CHST15: variants seen among roughly 807,000 people sequenced by gnomAD.
CHST15 encodes B cell RAG associated protein (GALNAC4S-6ST).
In CHST15, 30 loss-of-function variants were observed where a neutral mutation model predicts 53.6. The observed-to-expected ratio is 0.56, with a 90% CI of 0.42 to 0.76. The LOEUF is 0.76. Ranked by LOEUF, CHST15 falls within the 30% of genes least tolerant of loss-of-function variation. The pLI, the probability that CHST15 is intolerant of heterozygous loss-of-function variation, is 0.00. For synonymous variants in CHST15, 296 were observed against 289.8 expected (o/e 1.02, Z -0.22); for missense variants, 627 against 740.5 (o/e 0.85, Z 1.78).
chr10:124,013,388 T>C (rs1220896045), intron 6 of CHST15, among the ~76,000 whole-genome samples: 1 of 152,196 alleles, frequency 6.6e-6, no homozygotes, highest in East Asian at 1.9e-4. Context: ...CCACGAGGAT[T>C]GCCACATACC....
At chr10:124,087,282 G>A (rs1424047665) in intron 1 of CHST15, among the ~76,000 whole-genome samples, 1 of 152,160 alleles carries the variant, frequency 6.6e-6, no homozygotes, top group Non-Finnish European at 1.5e-5. Flanking sequence ...TAGATCCAGG[G>A]CCACCCTGGG....
At chr10:124,030,168 C>T (rs114794516) in intron 5 of CHST15, among the ~76,000 whole-genome samples, 1,938 of 152,340 alleles carry the variant, frequency 0.013, 38 homozygotes, top group African/African-American at 0.043. Flanking sequence ...GAACAGTCTT[C>T]AGAGAACCCC....
At chr10:124,026,115 C>T (rs2133890503) in intron 5 of CHST15, among the ~76,000 whole-genome samples, 1 of 152,316 alleles carries the variant, frequency 6.6e-6, no homozygotes, top group East Asian at 1.9e-4. Context: ...CACCCTGAGA[C>T]CCTGGAACAG....
rs1946358342 is a variant in CHST15, at chr10:124,009,708, A to AG, written c.*440dup. The AG allele has an allele frequency of 2.0e-6, 2 of 1,023,492 alleles. No homozygotes were observed. The highest frequency in any genetic ancestry group is 7.3e-5 in the South Asian group (2 of 27,450). 63.4% of individuals were successfully genotyped at this position (1,023,492 alleles called of 1,614,324 possible). A position where few individuals can be genotyped will look rare whatever the true frequency, so the allele number is the denominator to read the frequency against. ...TGCAACACGGCGAGACCCCATCTCTAGGGGGAAAAAAAGGGAACGTGAAGT... is the reference window on the plus strand; with the variant it reads ...TGCAACACGGCGAGACCCCATCTCTAGGGGGGAAAAAAAGGGAACGTGAAGT... On this transcript the variant is annotated 3_prime_UTR_variant, in exon 8 of 8. Coordinates refer to ENST00000435907, the MANE Select transcript of CHST15 (RefSeq NM_001270764.2).
At position 124,044,721 on chromosome 10, in the gene CHST15, G is replaced by A; in HGVS notation, c.745C>T (p.Arg249Cys). The A allele has an allele frequency of 6.2e-7, 1 of 1,613,756 alleles. No individual in the cohort carries two copies. The highest frequency in any genetic ancestry group is 8.5e-7 in the Non-Finnish European group (1 of 1,179,888). ...HLAHAHGKHF[R>C]LRCLPHFYII... ...TAGAAGTGCGGCAGGCAGCGCAGGCGGAAGTGCTTCCCGTGCGCGTGCGCC... is the reference window on the plus strand; with the variant it reads ...TAGAAGTGCGGCAGGCAGCGCAGGCAGAAGTGCTTCCCGTGCGCGTGCGCC... Residue 249 changes from arginine (R) to cysteine (C), a missense_variant, in exon 3 of 8, where the codon CGC (arginine) becomes TGC (cysteine). Physicochemically the swap from Arg to Cys is radical, Grantham distance 180. Coordinates refer to ENST00000435907, the MANE Select transcript of CHST15 (RefSeq NM_001270764.2).
chr10:124,060,931 A>G (rs879727490), intron 1 of CHST15, among the ~76,000 whole-genome samples: 3 of 152,182 alleles, frequency 2.0e-5, no homozygotes, highest in Admixed American at 6.5e-5. Flanking sequence ...GAAAGGAACC[A>G]GGATGAGCTG....
chr10:124,009,981 G>A lies in CHST15; in HGVS notation c.*168C>T, dbSNP rs888138172. 17 of 1,458,086 alleles carry A rather than the reference G, an allele frequency of 1.2e-5. No homozygotes were observed. Among genetic ancestry groups the A allele is most frequent in the Admixed American group, 4.9e-5 (2 of 41,082 alleles). 90.3% of individuals were successfully genotyped at this position (1,458,086 alleles called of 1,614,324 possible). A position where few individuals can be genotyped will look rare whatever the true frequency, so the allele number is the denominator to read the frequency against. ...GTGAGGGGTCCATTGCTGAGCTCTCGAACATCACGAAGGAAATTCCAAAAT... is the reference window on the plus strand; with the variant it reads ...GTGAGGGGTCCATTGCTGAGCTCTCAAACATCACGAAGGAAATTCCAAAAT... On this transcript the variant is annotated 3_prime_UTR_variant, in exon 8 of 8. Transcript: ENST00000435907.
intron 2 of CHST15, among the ~76,000 whole-genome samples, chr10:124,045,372 T>C (rs1947956233): frequency 6.6e-6 from 1 of 152,204 alleles, no homozygotes; most frequent in Non-Finnish European, 1.5e-5. Context: ...AACTGTTAAC[T>C]ACCACGACCA....
chr10:124,032,305 T>C (rs968192829), intron 5 of CHST15, among the ~76,000 whole-genome samples: 8 of 152,220 alleles, frequency 5.3e-5, no homozygotes, highest in African/African-American at 1.2e-4. Context: ...AAATGAACCA[T>C]TCCTGTGGTG....
At chr10:124,090,966 T>A (rs905791514) in intron 1 of CHST15, among the ~76,000 whole-genome samples, 19 of 152,252 alleles carry the variant, frequency 1.2e-4, no homozygotes, top group African/African-American at 3.9e-4. Context: ...GCTCCTGAGC[T>A]GGCTCTCCTC....
chr10:124,085,442 C>A (rs1366847872), intron 1 of CHST15, among the ~76,000 whole-genome samples: 1 of 152,208 alleles, frequency 6.6e-6, no homozygotes, highest in Non-Finnish European at 1.5e-5. Context: ...ATTAGACTCT[C>A]GACTCCTTGG....
intron 1 of CHST15, among the ~76,000 whole-genome samples, chr10:124,068,243 T>A (rs1368012557): frequency 6.6e-6 from 1 of 151,968 alleles, no homozygotes; most frequent in East Asian, 1.9e-4. Context: ...AGGACATGGG[T>A]TATCTAGACA....
chr10:124,038,658 G>A lies in CHST15; in HGVS notation c.1047C>T (p.Ala349=), dbSNP rs2133965346. ...MNTIIIGEAS[A]STMWDNNAWT... ...AGGCATTATTATCCCACATCGTGGA[G>A]GCACTGGCCTCCCCTGGAAACAGAA... Residue 349 remains alanine (A), a synonymous_variant, in exon 5 of 8, where the codon GCC becomes GCT. Transcript: ENST00000435907. 3.7e-6 allele frequency: 6 copies of A among 1,614,084 alleles called. No individual in the cohort carries two copies. The highest frequency in any genetic ancestry group is 5.1e-6 in the Non-Finnish European group (6 of 1,179,994).
intron 1 of CHST15, among the ~76,000 whole-genome samples, chr10:124,049,070 T>C (rs1188886596): frequency 6.6e-6 from 1 of 152,220 alleles, no homozygotes; most frequent in African/African-American, 2.4e-5. Flanking sequence ...TGCAAGAGCC[T>C]TAGCAAAACA....
At chr10:124,021,756 CAA>C (rs1426945828) in intron 5 of CHST15, among the ~76,000 whole-genome samples, 1 of 152,198 alleles carries the variant, frequency 6.6e-6, no homozygotes, top group African/African-American at 2.4e-5. Flanking sequence ...GGTACACTAG[CAA>C]AGAGAAGCCA....
At chr10:124,061,232 T>C (rs1163599895) in intron 1 of CHST15, among the ~76,000 whole-genome samples, 2 of 152,130 alleles carry the variant, frequency 1.3e-5, no homozygotes, top group Non-Finnish European at 2.9e-5. Flanking sequence ...TCAACTTGAA[T>C]TGTAGCTCCC....
chr10:124,070,727 C>G (rs1346828547), intron 1 of CHST15, among the ~76,000 whole-genome samples: 4 of 152,162 alleles, frequency 2.6e-5, no homozygotes, highest in African/African-American at 9.7e-5. Context: ...GTGTAGAGCC[C>G]TGGGATGCAG....
Position 124,046,275 on chromosome 10 carries a change from G to C in CHST15, c.-63C>G. 1.4e-6 allele frequency: 2 copies of C among 1,475,326 alleles called. No homozygotes were observed. Among genetic ancestry groups the C allele is most frequent in the Non-Finnish European group, 1.8e-6 (2 of 1,098,036 alleles). 91.4% of individuals were successfully genotyped at this position (1,475,326 alleles called of 1,614,324 possible). A position where few individuals can be genotyped will look rare whatever the true frequency, so the allele number is the denominator to read the frequency against. Reference sequence around the variant, plus strand: ...CATGGGTGGGCCCCCCACGAGTCTGGATGTCCGCAAGTCGTGCTAGAAAAC... The same window carrying C: ...CATGGGTGGGCCCCCCACGAGTCTGCATGTCCGCAAGTCGTGCTAGAAAAC... On this transcript the variant is annotated 5_prime_UTR_variant, in exon 2 of 8. It adds an upstream start codon to the 5' untranslated region. Transcript: ENST00000435907.
rs748363751 is a variant in CHST15 at position 124,009,861 on chromosome 10, G to T, written c.*288C>A. 149 of 1,229,718 alleles carry T rather than the reference G, an allele frequency of 1.2e-4. No homozygotes were observed. Among genetic ancestry groups the T allele is most frequent in the Non-Finnish European group, 1.5e-4 (145 of 977,568 alleles). The allele number at this position is 1,229,718 out of a possible 1,614,324, so 76.2% of individuals were successfully genotyped here. A position where few individuals can be genotyped will look rare whatever the true frequency, so the allele number is the denominator to read the frequency against. On this transcript the variant is annotated 3_prime_UTR_variant, in exon 8 of 8. Transcript: ENST00000435907. The stretch of plus-strand genomic sequence containing the variant: ...GGTGTTCTCTCCACACCCAGTGCAG[G>T]CCAGCTGGCTGCATCCCCAAGCTCC...
Sources: gnomAD v4.1 joint callset for allele counts (sites outside exome capture counted in the v4.1 genomes callset) on GRCh38, gnomAD v4.1.1 for gene constraint, MANE v1.5 for transcripts, NCBI Gene and HGNC (gene_info 2026-07-23, HGNC 2026-07-21) for gene names.